The following PCSK5 variants were observed in gnomAD, a reference collection of about 807,000 sequenced individuals.
The protein encoded by PCSK5 is prohormone convertase 5.
A neutral mutation model predicts 233.2 loss-of-function variants in PCSK5; 129 were observed. The ratio of observed to expected loss-of-function variants is 0.55; its 90% CI spans 0.48 to 0.64. The LOEUF (loss-of-function observed/expected upper bound fraction) is 0.64, where lower values mean the gene tolerates loss of function less well. Ranked by LOEUF, PCSK5 falls within the 30% of genes least tolerant of loss-of-function variation. The pLI is 0.00. For synonymous variants in PCSK5, 825 were observed against 879.2 expected (o/e 0.94, Z 1.09); for missense variants, 2,076 against 2,430.1 (o/e 0.85, Z 3.06).
At chr9:76,046,183 TTTTTTTTTTTTTG>T (rs1428806091) in intron 5 of PCSK5, among the ~76,000 whole-genome samples, 3 of 120,546 alleles carry the variant, frequency 2.5e-5, no homozygotes, top group South Asian at 2.9e-4. Context: ...TTTTTTTTTT[TTTTTTTTTTTTTG>T]AGACGGAGTC....
At chr9:76,325,856 C>T (rs536898367) in intron 32 of PCSK5, among the ~76,000 whole-genome samples, 294 of 152,176 alleles carry the variant, frequency 1.9e-3, no homozygotes, top group African/African-American at 6.6e-3. Context: ...AGGGTGGTCT[C>T]GAACTCCTGA....
chr9:76,296,904 G>T, intron 27 of PCSK5, 39 bp downstream of exon 27: 2 of 1,309,308 alleles, frequency 1.5e-6, no homozygotes, highest in South Asian at 2.4e-5. Flanking sequence ...GGGGTCTAGC[G>T]ACCTACTCTG....
chr9:76,195,320 GA>G (rs1197115936), intron 20 of PCSK5: 1 of 152,158 alleles, frequency 6.6e-6, no homozygotes, highest in Non-Finnish European at 1.5e-5. Context: ...CTATTTAACT[GA>G]ATCAGCCCAT....
At chr9:76,038,711 G>T (rs1563987436) in intron 5 of PCSK5, among the ~76,000 whole-genome samples, 2 of 152,142 alleles carry the variant, frequency 1.3e-5, no homozygotes, top group Admixed American at 1.3e-4. Flanking sequence ...AATGTAATTC[G>T]TAAAGAGGGA....
At position 76,205,954 on chromosome 9, in the gene PCSK5, C is replaced by A. The variant is rs981456651; in HGVS notation, c.2626+16208C>A. Reference sequence around the variant, plus strand: ...GCCACTTTCTACTACTGGTGCTAAGCAATAACCCAGAGTAGCAAGCAGCCT... The same window carrying A: ...GCCACTTTCTACTACTGGTGCTAAGAAATAACCCAGAGTAGCAAGCAGCCT... On this transcript the variant is annotated intron_variant, in intron 20 of 37. Coordinates refer to ENST00000674117, the MANE Select transcript of PCSK5 (RefSeq NM_001372043.1). Among the ~76,000 whole-genome samples, 9 of 152,212 alleles carry A rather than the reference C, an allele frequency of 5.9e-5. No individual in the cohort carries two copies. In the East Asian group the frequency reaches 1.5e-3, roughly 26 times the overall value.
intron 2 of PCSK5, among the ~76,000 whole-genome samples, chr9:75,938,444 G>A (rs889991001): frequency 3.3e-5 from 5 of 152,262 alleles, no homozygotes; most frequent in African/African-American, 1.2e-4. Flanking sequence ...ATTGATCACA[G>A]ATCACCACAA....
intron 22 of PCSK5, among the ~76,000 whole-genome samples, chr9:76,236,305 A>T (rs1035380573): frequency 3.3e-5 from 5 of 152,138 alleles, no homozygotes; most frequent in Admixed American, 3.3e-4. Context: ...CAATATCATC[A>T]TGCTGGTCCA....
intron 9 of PCSK5, among the ~76,000 whole-genome samples, chr9:76,131,972 A>G (rs527265667): frequency 3.7e-4 from 57 of 152,272 alleles, no homozygotes; most frequent in African/African-American, 1.4e-3. Context: ...ATGACAAAAT[A>G]AAAACATTCA....
rs534098550 is a variant in PCSK5 at position 75,994,550 on chromosome 9, G to A, written c.411+8305G>A. On this transcript the variant is annotated intron_variant, in intron 3 of 37. Transcript: ENST00000674117. Reference sequence around the variant, plus strand: ...TGCAATTCTCCTGCCTCAGCCTCCCGAAGCTGGGACTACAGATGCCTGCCA... The same window carrying A: ...TGCAATTCTCCTGCCTCAGCCTCCCAAAGCTGGGACTACAGATGCCTGCCA... Among the ~76,000 whole-genome samples, 31 of 151,108 alleles carry A rather than the reference G, an allele frequency of 2.1e-4. No homozygotes were observed. The South Asian group carries it at 4.4e-3, about 22-fold the overall frequency.
At chr9:76,331,494 C>T (rs1829534288) in intron 33 of PCSK5, among the ~76,000 whole-genome samples, 1 of 151,798 alleles carries the variant, frequency 6.6e-6, no homozygotes, top group African/African-American at 2.4e-5. Flanking sequence ...GGTGAAACCC[C>T]GTCTCTACTA....
At chr9:76,235,254 G>A (rs986942977) in intron 22 of PCSK5, among the ~76,000 whole-genome samples, 22 of 152,092 alleles carry the variant, frequency 1.4e-4, no homozygotes, top group Admixed American at 1.1e-3. Context: ...CTGACGAGAA[G>A]GTACTAAACC....
chr9:75,926,467 A>T (rs1265163479), intron 1 of PCSK5, among the ~76,000 whole-genome samples: 1 of 152,162 alleles, frequency 6.6e-6, no homozygotes, highest in Non-Finnish European at 1.5e-5. Flanking sequence ...GGGTGCTGGG[A>T]AAAGATGTAT....
At chr9:76,005,078 C>T (rs1827419569) in intron 3 of PCSK5, among the ~76,000 whole-genome samples, 6 of 152,228 alleles carry the variant, frequency 3.9e-5, no homozygotes, top group Admixed American at 3.9e-4. Context: ...CCCTTCCTTT[C>T]ACAGTGAGAA....
rs139557727 is a variant in PCSK5 at position 76,160,874 on chromosome 9, A to G, written c.1619+1703A>G. 3.7e-3 allele frequency among the ~76,000 whole-genome samples: 567 copies of G among 152,152 alleles called. 5 individuals carry two copies. The highest frequency in any genetic ancestry group is 0.013 in the African/African-American group (543 of 41,496). The stretch of plus-strand genomic sequence containing the variant: ...CTGCATCCTCCACCTCCTGGGTTCA[A>G]GCAATTCTCCTGCCTGAGCCTCTCC... On this transcript the variant is annotated intron_variant, in intron 12 of 37. Transcript: ENST00000674117.
chr9:75,930,295 G>A (rs1564089320), intron 1 of PCSK5, among the ~76,000 whole-genome samples: 1 of 152,122 alleles, frequency 6.6e-6, no homozygotes, highest in Non-Finnish European at 1.5e-5. Flanking sequence ...TGAGATTTGG[G>A]TGGGGACGCA....
At chr9:76,295,238 C>T in intron 25 of PCSK5, 37 bp from the exon 26 acceptor site, 2 of 1,577,662 alleles carry the variant, frequency 1.3e-6, no homozygotes, top group Non-Finnish European at 1.7e-6. Flanking sequence ...AATACATCAA[C>T]ATAAGTCATG....
intron 1 of PCSK5, among the ~76,000 whole-genome samples, chr9:75,895,270 A>G (rs1448576139): frequency 6.6e-6 from 1 of 152,202 alleles, no homozygotes; most frequent in Non-Finnish European, 1.5e-5. Context: ...GTAAAATGAT[A>G]AATCTCTAGA....
intron 5 of PCSK5, among the ~76,000 whole-genome samples, chr9:76,031,795 A>C (rs1382184941): frequency 6.6e-6 from 1 of 152,232 alleles, no homozygotes; most frequent in Non-Finnish European, 1.5e-5. Context: ...TATTATTATA[A>C]TTGTGTGTTC....
chr9:76,058,059 G>A (rs1161178229), intron 5 of PCSK5, among the ~76,000 whole-genome samples: 2 of 151,884 alleles, frequency 1.3e-5, no homozygotes, highest in African/African-American at 4.8e-5. Context: ...ATGTTGCTTA[G>A]GCTGGTCTCC....
Sources: allele counts gnomAD v4.1 joint callset (sites outside exome capture counted in the v4.1 genomes callset), GRCh38; gene constraint gnomAD v4.1.1; transcripts MANE v1.5; gene names NCBI Gene and HGNC (gene_info 2026-07-23, HGNC 2026-07-21).